CACNA2D3: variants seen among roughly 807,000 people sequenced by gnomAD.
The protein encoded by CACNA2D3 is voltage-dependent calcium channel subunit alpha-2/delta-3.
Under a neutral mutation model 160.6 loss-of-function variants are expected in CACNA2D3, and 60 were observed. The ratio of observed to expected loss-of-function variants is 0.37; its 90% CI spans 0.30 to 0.46. CACNA2D3 has a LOEUF of 0.46. CACNA2D3 is among the 20% of genes least tolerant of loss of function. CACNA2D3 has a pLI of 1.00. For synonymous variants in CACNA2D3, 558 were observed against 492.9 expected, an observed-to-expected ratio of 1.13 and a Z score of -1.75; for missense variants, 1,205 against 1,365.0, an observed-to-expected ratio of 0.88 and a Z score of 1.85.
chr3:54,599,631 G>A (rs1703026660), intron 9 of CACNA2D3, among the ~76,000 whole-genome samples: 1 of 152,152 alleles, frequency 6.6e-6, no homozygotes, highest in South Asian at 2.1e-4. Context: ...AAAACCTCTG[G>A]TAGGCAAAAC....
intron 2 of CACNA2D3, among the ~76,000 whole-genome samples, chr3:54,239,937 TGG>T: frequency 6.6e-6 from 1 of 152,330 alleles, no homozygotes; most frequent in African/African-American, 2.4e-5. Context: ...GCTAGACACT[TGG>T]TAAAGTCTTG....
chr3:55,053,225 C>G (rs1160585107), intron 35 of CACNA2D3, among the ~76,000 whole-genome samples: 1 of 151,906 alleles, frequency 6.6e-6, no homozygotes, highest in Non-Finnish European at 1.5e-5. Flanking sequence ...CTTGTATTTT[C>G]TAGAATTTTA....
At chr3:55,067,010 A>G (rs1704655992) in intron 35 of CACNA2D3, among the ~76,000 whole-genome samples, 1 of 151,678 alleles carries the variant, frequency 6.6e-6, no homozygotes, top group South Asian at 2.1e-4. Flanking sequence ...AACATTGCCC[A>G]GGCCCCTCCG....
At chr3:54,602,873 A>G (rs1400555025) in intron 9 of CACNA2D3, among the ~76,000 whole-genome samples, 3 of 152,192 alleles carry the variant, frequency 2.0e-5, no homozygotes, top group East Asian at 1.9e-4. Context: ...GGAAGAGGCA[A>G]CTTCTTTACT....
At chr3:54,227,760 A>G (rs1701701245) in intron 2 of CACNA2D3, among the ~76,000 whole-genome samples, 4 of 152,106 alleles carry the variant, frequency 2.6e-5, no homozygotes, top group East Asian at 1.9e-4. Flanking sequence ...CACCTCGGCC[A>G]GGATGATCTT....
intron 27 of CACNA2D3, among the ~76,000 whole-genome samples, chr3:54,944,814 GGTGTGTGTGT>G (rs34193625): frequency 9.0e-6 from 1 of 111,360 alleles, no homozygotes; most frequent in Admixed American, 8.2e-5. Context: ...TAGAGCTGGG[GGTGTGTGTGT>G]GTGTGTGTGT....
intron 27 of CACNA2D3, among the ~76,000 whole-genome samples, chr3:54,934,015 C>G (rs1468501644): frequency 6.6e-6 from 1 of 152,180 alleles, no homozygotes; most frequent in Non-Finnish European, 1.5e-5. Context: ...GGGTGGTCCA[C>G]CTGCCTCGGC....
chr3:54,969,893 C>T (rs1702232462), intron 29 of CACNA2D3, 49 bp downstream of exon 29: 1 of 1,536,384 alleles, frequency 6.5e-7, no homozygotes, highest in African/African-American at 1.4e-5. Context: ...TAGAAGGTGA[C>T]AGATGGTGCT....
At chr3:54,878,268 C>T (rs548682021) in intron 18 of CACNA2D3, among the ~76,000 whole-genome samples, 74 of 152,294 alleles carry the variant, frequency 4.9e-4, no homozygotes, top group Admixed American at 1.0e-3. Flanking sequence ...TGCTCCTATT[C>T]CATTAACTGG....
At chr3:54,466,037 G>A (rs1360401766) in intron 4 of CACNA2D3, among the ~76,000 whole-genome samples, 4 of 152,146 alleles carry the variant, frequency 2.6e-5, no homozygotes, top group Non-Finnish European at 4.4e-5. Context: ...ACCACCAACC[G>A]TGTGTTGAGT....
intron 2 of CACNA2D3, among the ~76,000 whole-genome samples, chr3:54,319,465 A>G (rs1703941848): frequency 6.6e-6 from 1 of 152,316 alleles, no homozygotes; most frequent in Middle Eastern, 3.4e-3. Context: ...AAGAGTAAAT[A>G]TATCTTACCC....
At chr3:54,512,447 A>G (rs1358172146) in intron 5 of CACNA2D3, among the ~76,000 whole-genome samples, 2 of 152,348 alleles carry the variant, frequency 1.3e-5, no homozygotes, top group Admixed American at 6.5e-5. Flanking sequence ...GAATGATGAT[A>G]GTGACACCGG....
At chr3:54,512,121 A>G (rs530229104) in intron 5 of CACNA2D3, among the ~76,000 whole-genome samples, 1 of 152,314 alleles carries the variant, frequency 6.6e-6, no homozygotes, top group African/African-American at 2.4e-5. Context: ...TTTAAGAAGC[A>G]CGGTAGAGAC....
chr3:54,878,784 G>C, intron 18 of CACNA2D3: 1 of 359,888 alleles, frequency 2.8e-6, no homozygotes, highest in Non-Finnish European at 4.9e-6. Flanking sequence ...AGGCTCTTTT[G>C]TTATTGTCCT....
chr3:54,310,942 T>G lies in CACNA2D3; in HGVS notation c.205-9500T>G, dbSNP rs563114075. Among the ~76,000 whole-genome samples the G allele has an allele frequency of 7.9e-5, 12 of 152,292 alleles. No homozygotes were observed. In the South Asian group the frequency reaches 2.1e-3, roughly 26 times the overall value. On this transcript the variant is annotated intron_variant, in intron 2 of 37. Coordinates refer to ENST00000474759, the MANE Select transcript of CACNA2D3 (RefSeq NM_018398.3). Reference sequence around the variant, plus strand: ...GCTAGTACATGGTAACATGAGGACTTGAACGTGGAACATCTGGCTAGAGAG... The same window carrying G: ...GCTAGTACATGGTAACATGAGGACTGGAACGTGGAACATCTGGCTAGAGAG...
chr3:54,711,271 A>C (rs140834877), intron 11 of CACNA2D3, among the ~76,000 whole-genome samples: 1 of 152,332 alleles, frequency 6.6e-6, no homozygotes, highest in East Asian at 1.9e-4. Flanking sequence ...TAAATGACAT[A>C]AAGTGAACAG....
rs1317119525 is a variant in CACNA2D3, at chr3:54,984,667, A to G, written c.2616A>G (p.Thr872=). ...TTATTTTGGTGTCTGAAGACTACAC[A>G]CAGGTGAGTGAAAATTTTCTACCAG... ...NGFILVSEDY[T]QTGDFFGEIE... Residue 872 remains threonine (T), a synonymous_variant, in exon 30 of 38, where the codon ACA becomes ACG. Transcript: ENST00000474759. 1.3e-6 allele frequency: 2 copies of G among 1,557,078 alleles called. No homozygotes were observed. The highest frequency in any genetic ancestry group is 1.7e-6 in the Non-Finnish European group (2 of 1,145,288).
chr3:54,541,728 A>G (rs936867524), intron 5 of CACNA2D3, among the ~76,000 whole-genome samples: 2 of 152,220 alleles, frequency 1.3e-5, no homozygotes, highest in African/African-American at 4.8e-5. Flanking sequence ...TGAAGGATGA[A>G]GAAAGACTGA....
intron 2 of CACNA2D3, among the ~76,000 whole-genome samples, chr3:54,154,445 G>A (rs1351310588): frequency 6.6e-6 from 1 of 152,150 alleles, no homozygotes; most frequent in African/African-American, 2.4e-5. Context: ...TCGGGCTTAG[G>A]AACCTGTGTT....
Sources: gnomAD v4.1 joint callset for allele counts (sites outside exome capture counted in the v4.1 genomes callset) on GRCh38, gnomAD v4.1.1 for gene constraint, MANE v1.5 for transcripts, NCBI Gene and HGNC (gene_info 2026-07-23, HGNC 2026-07-21) for gene names.